EML6: variants seen among roughly 807,000 people sequenced by gnomAD.
EML6 encodes the protein echinoderm microtubule-associated protein-like 6.
EML6 carries 154 observed loss-of-function variants against 240.1 expected under a neutral mutation model. The observed-to-expected ratio is 0.64, with a 90% CI of 0.56 to 0.73. The LOEUF is 0.73. EML6 is among the 30% of genes least tolerant of loss of function. EML6 has a pLI of 0.00. For synonymous variants in EML6, 1,148 were observed against 899.0 expected (o/e 1.28, Z -4.95); for missense variants, 2,964 against 2,474.6 (o/e 1.20, Z -4.20).
At chr2:54,856,769 A>G (rs990785551) in intron 11 of EML6, among the ~76,000 whole-genome samples, 10 of 152,220 alleles carry the variant, frequency 6.6e-5, no homozygotes, top group African/African-American at 2.4e-4. Flanking sequence ...AAGTGCAATG[A>G]AAAACTATGG....
intron 2 of EML6, among the ~76,000 whole-genome samples, chr2:54,798,525 A>T (rs1464191294): frequency 6.6e-6 from 1 of 152,148 alleles, no homozygotes; most frequent in Non-Finnish European, 1.5e-5. Context: ...TAAACTTAAG[A>T]TCTTAAGTAC....
intron 2 of EML6, among the ~76,000 whole-genome samples, chr2:54,772,804 C>A (rs996492791): frequency 1.3e-5 from 2 of 152,214 alleles, no homozygotes; most frequent in Non-Finnish European, 1.5e-5. Context: ...CTGCCTTTCT[C>A]ACACAGGACT....
At chr2:54,770,288 T>G (rs746880125) in intron 2 of EML6, among the ~76,000 whole-genome samples, 5 of 152,212 alleles carry the variant, frequency 3.3e-5, no homozygotes, top group Non-Finnish European at 7.3e-5. Flanking sequence ...ATAATTACAC[T>G]GGGACAACAG....
intron 36 of EML6, 137 bp from the exon 37 acceptor site, chr2:54,963,849 A>C (rs559309503): frequency 1.4e-6 from 1 of 721,462 alleles, no homozygotes; most frequent in Non-Finnish European, 2.2e-6. Context: ...AGGGACATTT[A>C]CTCTAAGAAG....
At chr2:54,728,190 C>A (rs1314504697) in intron 2 of EML6, among the ~76,000 whole-genome samples, 1 of 152,162 alleles carries the variant, frequency 6.6e-6, no homozygotes, top group Non-Finnish European at 1.5e-5. Context: ...CAACAAGATG[C>A]AAATCAGGGC....
At chr2:54,767,920 C>T (rs1668253539) in intron 2 of EML6, among the ~76,000 whole-genome samples, 2 of 152,104 alleles carry the variant, frequency 1.3e-5, no homozygotes. Context: ...ACATGCCAGC[C>T]AGAAGAAGTA....
intron 18 of EML6, among the ~76,000 whole-genome samples, chr2:54,892,178 C>G (rs749220902): frequency 3.9e-5 from 6 of 152,176 alleles, no homozygotes; most frequent in African/African-American, 9.7e-5. Context: ...CAGCCAGACT[C>G]TGAGTTCCTT....
chr2:54,818,320 C>T (rs1478857590), intron 4 of EML6, among the ~76,000 whole-genome samples: 4 of 152,156 alleles, frequency 2.6e-5, no homozygotes, highest in Non-Finnish European at 5.9e-5. Context: ...TGGTAAGTCT[C>T]TACAAAATCA....
chr2:54,964,372 A>G (rs1676657338), intron 37 of EML6, among the ~76,000 whole-genome samples, 199 bp from the exon 38 acceptor site: 1 of 152,264 alleles, frequency 6.6e-6, no homozygotes, highest in Non-Finnish European at 1.5e-5. Context: ...TGTAAATGTC[A>G]TTCTACATAT....
rs1223711818 is a variant in EML6 at position 54,863,867 on chromosome 2, C to T, written c.1910C>T (p.Ala637Val). ...CTGGACTCTGATATTGAGCAAGAAG[C>T]TCAAATCAATTATGATCGCCAGGTC... ...PELDSDIEQE[A>V]QINYDRQVYK... is the part of the protein sequence containing the mutation. The change falls in exon 13 of 42, where the codon GCT becomes GTT. Residue 637 changes from alanine (A) to valine (V), a missense_variant. By Grantham distance (64) the Ala-to-Val change is moderately conservative. Coordinates refer to ENST00000356458, the MANE Select transcript of EML6 (RefSeq NM_001039753.4). 1.3e-6 allele frequency: 2 copies of T among 1,543,920 alleles called. No homozygotes were observed. The highest frequency in any genetic ancestry group is 4.0e-5 in the Admixed American group (2 of 50,102).
intron 3 of EML6, 31 bp from the exon 4 acceptor site, chr2:54,816,756 T>G (rs767530733): frequency 6.9e-7 from 1 of 1,449,968 alleles, no homozygotes; most frequent in South Asian, 1.2e-5. Context: ...CCCATCACTT[T>G]TAGGTACTAA....
At chr2:54,897,064 C>T (rs1204721271) in intron 21 of EML6, among the ~76,000 whole-genome samples, 1 of 152,050 alleles carries the variant, frequency 6.6e-6, no homozygotes, top group Admixed American at 6.5e-5. Flanking sequence ...GCCATAACTT[C>T]TAATTTAATT....
intron 2 of EML6, among the ~76,000 whole-genome samples, chr2:54,777,321 G>C (rs1668646438): frequency 6.6e-6 from 1 of 152,208 alleles, no homozygotes; most frequent in African/African-American, 2.4e-5. Context: ...AAGTAGTCCA[G>C]CTGCTCTGCA....
intron 26 of EML6, among the ~76,000 whole-genome samples, chr2:54,924,869 T>C (rs985521560): frequency 6.6e-6 from 1 of 152,070 alleles, no homozygotes; most frequent in Admixed American, 6.6e-5. Context: ...AGCCTCTTCT[T>C]TTTTTTTCAA....
intron 8 of EML6, 104 bp downstream of exon 8, chr2:54,844,352 T>A: frequency 5.7e-6 from 5 of 880,002 alleles, no homozygotes; most frequent in Non-Finnish European, 8.8e-6. Flanking sequence ...AACCACACAG[T>A]TTCCAAATGA....
At position 54,916,894 on chromosome 2, in the gene EML6, G is replaced by C. The variant is rs1465251059; in HGVS notation, c.3634G>C (p.Asp1212His). ...AGACTGTTCCCTTTTAGCCACCGGA[G>C]ATGATTTTGGTTTCGTTAAGCTTTT... ...TKDCSLLATG[D>H]DFGFVKLFSY... is the part of the protein sequence containing the mutation. The change falls in exon 26 of 42, where the codon GAT (aspartate) becomes CAT (histidine). Residue 1212 changes from aspartate to histidine, a missense_variant. Asp to His is a moderately conservative substitution (Grantham distance 81). Coordinates refer to ENST00000356458, the MANE Select transcript of EML6 (RefSeq NM_001039753.4). The C allele has an allele frequency of 6.5e-7, 1 of 1,548,442 alleles. No homozygotes were observed. The highest frequency in any genetic ancestry group is 8.7e-7 in the Non-Finnish European group (1 of 1,144,348).
intron 35 of EML6, among the ~76,000 whole-genome samples, chr2:54,960,968 A>G (rs529408409): frequency 8.5e-5 from 13 of 152,252 alleles, no homozygotes; most frequent in Admixed American, 1.3e-4. Context: ...CCAATCTCCA[A>G]ACTTCTATTG....
intron 13 of EML6, among the ~76,000 whole-genome samples, chr2:54,865,274 A>C (rs1205894323): frequency 6.6e-6 from 1 of 151,544 alleles, no homozygotes; most frequent in Non-Finnish European, 1.5e-5. Context: ...GCATCACTTG[A>C]GACCAGGAGC....
chr2:54,809,208 A>C (rs530986870), intron 2 of EML6, among the ~76,000 whole-genome samples: 2 of 152,374 alleles, frequency 1.3e-5, no homozygotes, highest in African/African-American at 4.8e-5. Context: ...AAGTCTTCTT[A>C]GAAAAGCAAA....
Sources: allele counts gnomAD v4.1 joint callset (sites outside exome capture counted in the v4.1 genomes callset), GRCh38; gene constraint gnomAD v4.1.1; transcripts MANE v1.5; gene names NCBI Gene and HGNC (gene_info 2026-07-23, HGNC 2026-07-21).